Variants in EFHC1 observed in about 807,000 individuals in gnomAD.
EFHC1 encodes EF-hand domain-containing protein 1.
EFHC1 carries 53 observed loss-of-function variants against 69.9 expected under a neutral mutation model. The ratio of observed to expected loss-of-function variants is 0.76; its 90% CI spans 0.61 to 0.95. The LOEUF (loss-of-function observed/expected upper bound fraction) is 0.95, where lower values mean the gene tolerates loss of function less well. Among genes scored for constraint, EFHC1 ranks in the 40% least tolerant of loss-of-function variants. The pLI is 0.00. For missense variants in EFHC1, 739 were observed against 798.7 expected (o/e 0.93, Z 0.90); for synonymous variants, 256 against 278.4 (o/e 0.92, Z 0.80).
chr6:52,423,582 G>A lies in EFHC1; in HGVS notation c.64-364G>A, dbSNP rs1581809029. ...AGTGGTTCAATCATAGCTTATTGCAGCTTGGACCTCCCAGGCTCAAGTGAT... is the reference window on the plus strand; with the variant it reads ...AGTGGTTCAATCATAGCTTATTGCAACTTGGACCTCCCAGGCTCAAGTGAT... On this transcript the variant is annotated intron_variant, in intron 1 of 10. Transcript: ENST00000371068. 1.2e-5 allele frequency: 6 copies of A among 487,164 alleles called. No individual in the cohort carries two copies. The East Asian group carries it at 2.0e-4, about 17-fold the overall frequency. 30.2% of individuals were successfully genotyped at this position (487,164 alleles called of 1,614,324 possible). A position where few individuals can be genotyped will look rare whatever the true frequency, so the allele number is the denominator to read the frequency against.
intron 2 of EFHC1, among the ~76,000 whole-genome samples, chr6:52,427,388 A>G (rs1239362785): frequency 1.3e-5 from 2 of 152,140 alleles, no homozygotes; most frequent in African/African-American, 4.8e-5. Flanking sequence ...AAATGGCAGC[A>G]TTTGAAAATT....
At chr6:52,449,586 C>G (rs642679) in intron 3 of EFHC1, among the ~76,000 whole-genome samples, 10,920 of 152,210 alleles carry the variant, frequency 0.072, 781 homozygotes, top group African/African-American at 0.18. Flanking sequence ...TTATCCATCT[C>G]TTCTAGGTTT....
intron 1 of EFHC1, 39 bp downstream of exon 1, chr6:52,420,512 T>G: frequency 6.2e-7 from 1 of 1,613,558 alleles, no homozygotes; most frequent in South Asian, 1.1e-5. Flanking sequence ...TGTCCCCACC[T>G]TCCAGCAGCC....
In EFHC1 at chr6:52,490,142, A is replaced by C. The variant is rs771160817; in HGVS notation, c.1643A>C (p.Lys548Thr). Residue 548 changes from lysine to threonine, a missense_variant and splice_region_variant, in exon 10 of 11, where the codon AAG becomes ACG. Lys to Thr is a moderately conservative substitution (Grantham distance 78, BLOSUM62 -1). Transcript: ENST00000371068. The stretch of plus-strand genomic sequence containing the variant: ...TCATTTCCTTCCTTTCTCTACAGCA[A>C]GCAAACTGAAAAGGATCCAGGCGTG... Reference protein sequence around the residue: ...REAPAPEAESKQTEKDPGVQE... With the variant: ...REAPAPEAESTQTEKDPGVQE... The C allele has an allele frequency of 2.5e-6, 4 of 1,613,722 alleles. No homozygotes were observed. In the African/African-American group the frequency reaches 5.3e-5, roughly 22 times the overall value.
At chr6:52,460,995 T>C (rs1023827491) in intron 5 of EFHC1, among the ~76,000 whole-genome samples, 6 of 152,224 alleles carry the variant, frequency 3.9e-5, no homozygotes, top group Non-Finnish European at 5.9e-5. Context: ...GAGTTAAAAA[T>C]ATCAAAGTAG....
At chr6:52,427,008 C>T (rs1274902511) in intron 2 of EFHC1, among the ~76,000 whole-genome samples, 1 of 152,174 alleles carries the variant, frequency 6.6e-6, no homozygotes. Context: ...CCACCATTCA[C>T]CTCACTGTGA....
intron 1 of EFHC1, chr6:52,423,657 ATTTTTTTT>A (rs59383268): frequency 1.5e-5 from 4 of 263,444 alleles, no homozygotes; most frequent in Admixed American, 7.7e-5. Flanking sequence ...CACCCAGCTA[ATTTTTTTT>A]TTTTTTTTTT....
In EFHC1 at chr6:52,436,092, T is replaced by A. The variant is rs75247472; in HGVS notation, c.286-2212T>A. 5.8e-3 allele frequency among the ~76,000 whole-genome samples: 879 copies of A among 152,328 alleles called. 2 individuals are homozygous for A. Among genetic ancestry groups the A allele is most frequent in the Middle Eastern group, 0.024 (7 of 294 alleles). On this transcript the variant is annotated intron_variant, in intron 2 of 10. Coordinates refer to ENST00000371068, the MANE Select transcript of EFHC1 (RefSeq NM_018100.4). ...GTTCAGCTTTAACATTTTATGTATT[T>A]ATAAATATATGGCTCAGATACAGGC...
At chr6:52,439,428 C>G (rs1237235114) in intron 3 of EFHC1, among the ~76,000 whole-genome samples, 1 of 152,076 alleles carries the variant, frequency 6.6e-6, no homozygotes, top group Non-Finnish European at 1.5e-5. Context: ...CTGCTTTGTT[C>G]CATGCACTGT....
intron 2 of EFHC1, among the ~76,000 whole-genome samples, chr6:52,433,105 C>G (rs1764451214): frequency 6.6e-6 from 1 of 151,796 alleles, no homozygotes; most frequent in Non-Finnish European, 1.5e-5. Flanking sequence ...TTTTTTATTT[C>G]CTTAAATTGG....
Position 52,490,313 on chromosome 6 carries a change from C to G in EFHC1, c.1814C>G (p.Ser605Trp). The change falls in exon 10 of 11, where the codon TCG becomes TGG. Residue 605 changes from serine to tryptophan, a missense_variant. Coordinates refer to ENST00000371068, the MANE Select transcript of EFHC1 (RefSeq NM_018100.4). ...GACATGTTCTTTAAAATCTGTGAAT[C>G]GCTTAACGTCCCAGTGGATGACTCC... ...DRDMFFKICESLNVPVDDSLV... is the reference protein window; with the variant it reads ...DRDMFFKICEWLNVPVDDSLV... The G allele has an allele frequency of 6.2e-7, 1 of 1,614,102 alleles. No individual in the cohort carries two copies. Among genetic ancestry groups the G allele is most frequent in the Non-Finnish European group, 8.5e-7 (1 of 1,179,974 alleles).
intron 7 of EFHC1, among the ~76,000 whole-genome samples, chr6:52,476,658 A>C (rs1765551823): frequency 6.6e-6 from 1 of 152,242 alleles, no homozygotes; most frequent in Non-Finnish European, 1.5e-5. Context: ...ACTTTTGCCA[A>C]AAATGCAAAA....
In EFHC1 at chr6:52,492,848, C is replaced by A. The variant is rs769515946; in HGVS notation, c.*507C>A. 6.7e-6 allele frequency: 3 copies of A among 448,974 alleles called. No individual in the cohort carries two copies. The highest frequency in any genetic ancestry group is 4.7e-5 in the South Asian group (3 of 63,366). The allele number at this position is 448,974 out of a possible 1,614,324, so 27.8% of individuals were successfully genotyped here. On this transcript the variant is annotated 3_prime_UTR_variant, in exon 11 of 11. Coordinates refer to ENST00000371068, the MANE Select transcript of EFHC1 (RefSeq NM_018100.4). ...CCTGAACTTGTCTCAAACTCATGAG[C>A]TCCAGAAATTCTCCCACCTCAGCCT...
chr6:52,493,370 AT>A lies in EFHC1; in HGVS notation c.*1030del. 5.2e-6 allele frequency: 1 copy of A among 190,716 alleles called. No individual in the cohort carries two copies. The highest frequency in any genetic ancestry group is 1.0e-5 in the Non-Finnish European group (1 of 96,784). 11.8% of individuals were successfully genotyped at this position (190,716 alleles called of 1,614,324 possible). A position where few individuals can be genotyped will look rare whatever the true frequency, so the allele number is the denominator to read the frequency against. On this transcript the variant is annotated 3_prime_UTR_variant, in exon 11 of 11. Transcript: ENST00000371068. ...TCTCTCTTTCTCTCTCTCTACATAT[AT>A]ATATATATATATATTTTATATGTAC...
At chr6:52,430,997 A>G (rs1271320050) in intron 2 of EFHC1, among the ~76,000 whole-genome samples, 1 of 152,178 alleles carries the variant, frequency 6.6e-6, no homozygotes, top group Non-Finnish European at 1.5e-5. Flanking sequence ...AGGTGTTCAT[A>G]GTAGCCTTGA....
chr6:52,425,289 A>T (rs889932904), intron 2 of EFHC1, among the ~76,000 whole-genome samples: 1 of 152,174 alleles, frequency 6.6e-6, no homozygotes, highest in African/African-American at 2.4e-5. Flanking sequence ...TGTGGCTTTG[A>T]CAGACATTGC....
At chr6:52,433,562 C>T (rs1003673186) in intron 2 of EFHC1, among the ~76,000 whole-genome samples, 3 of 152,146 alleles carry the variant, frequency 2.0e-5, no homozygotes, top group Admixed American at 1.3e-4. Flanking sequence ...GATACCAGCA[C>T]CTGCTCCAGT....
At chr6:52,478,331 C>T (rs1394871744) in intron 7 of EFHC1, among the ~76,000 whole-genome samples, 5 of 151,808 alleles carry the variant, frequency 3.3e-5, no homozygotes, top group African/African-American at 4.8e-5. Flanking sequence ...TGCTAGATGA[C>T]GAGTTAGTGG....
chr6:52,478,180 AAAC>A (rs1765585008), intron 7 of EFHC1, among the ~76,000 whole-genome samples: 2 of 152,106 alleles, frequency 1.3e-5, no homozygotes. Flanking sequence ...CAAGAACAAA[AAAC>A]CAAACACCGC....
Sources: allele counts gnomAD v4.1 joint callset (sites outside exome capture counted in the v4.1 genomes callset), GRCh38; gene constraint gnomAD v4.1.1; transcripts MANE v1.5; gene names NCBI Gene and HGNC (gene_info 2026-07-23, HGNC 2026-07-21).